Variants in CDK5RAP2 observed in about 807,000 individuals in gnomAD.
CDK5RAP2 encodes the protein CDK5 regulatory subunit associated protein 2.
Under a neutral mutation model 232.9 loss-of-function variants are expected in CDK5RAP2, and 147 were observed. The ratio of observed to expected loss-of-function variants is 0.63; its 90% CI spans 0.55 to 0.72. CDK5RAP2 has a LOEUF of 0.72. Ranked by LOEUF, CDK5RAP2 falls within the 30% of genes least tolerant of loss-of-function variation. The pLI, the probability that CDK5RAP2 is intolerant of heterozygous loss-of-function variation, is 0.00. For missense variants in CDK5RAP2, 2,195 were observed against 2,231.5 expected (o/e 0.98, Z 0.33); for synonymous variants, 833 against 833.7 (o/e 1.00, Z 0.01).
chr9:120,479,479 G>C (rs1226090217), intron 14 of CDK5RAP2, among the ~76,000 whole-genome samples: 1 of 152,162 alleles, frequency 6.6e-6, no homozygotes, highest in Non-Finnish European at 1.5e-5. Flanking sequence ...ACACTATCTT[G>C]ATAAAGTTAT....
At chr9:120,391,099 G>A (rs940382516) in intron 36 of CDK5RAP2, among the ~76,000 whole-genome samples, 7 of 152,084 alleles carry the variant, frequency 4.6e-5, no homozygotes, top group Non-Finnish European at 1.0e-4. Flanking sequence ...TATGTATCTG[G>A]ACGTCCGCAT....
rs545667575 is a variant in CDK5RAP2 at position 120,491,318 on chromosome 9, C to G, written c.1471G>C (p.Val491Leu). 7 of 1,612,690 alleles carry G rather than the reference C, an allele frequency of 4.3e-6. No homozygotes were observed. Among genetic ancestry groups the G allele is most frequent in the Non-Finnish European group, 5.9e-6 (7 of 1,179,084 alleles). ...AAAAGTTACAGTACCTGAAGCAACA[C>G]GTCCTTCTGATTGGTACTTTCTGTT... is the stretch of plus-strand genomic sequence containing the variant. ...HLTESTNQKD[V>L]LLQKFNEKDL... Residue 491 changes from valine (V) to leucine (L), a missense_variant, in exon 13 of 38, where the codon GTG (valine) becomes CTG (leucine). Physicochemically the swap from Val to Leu is conservative, Grantham distance 32 (BLOSUM62 1). Transcript: ENST00000349780.
intron 14 of CDK5RAP2, among the ~76,000 whole-genome samples, chr9:120,481,137 C>T (rs540597164): frequency 2.6e-5 from 4 of 152,322 alleles, no homozygotes; most frequent in East Asian, 3.9e-4. Context: ...AATGTGCTTA[C>T]GTGTTACTAC....
At chr9:120,392,934 G>A (rs1182960948) in intron 36 of CDK5RAP2, among the ~76,000 whole-genome samples, 1 of 152,130 alleles carries the variant, frequency 6.6e-6, no homozygotes, top group African/African-American at 2.4e-5. Flanking sequence ...CATGGACCCC[G>A]CCGGTCCCTG....
chr9:120,403,338 C>A lies in CDK5RAP2; in HGVS notation c.5042-267G>T. 2.1e-6 allele frequency: 1 copy of A among 480,522 alleles called. No homozygotes were observed. Among genetic ancestry groups the A allele is most frequent in the East Asian group, 4.0e-5 (1 of 24,714 alleles). The allele number at this position is 480,522 out of a possible 1,614,324, so 29.8% of individuals were successfully genotyped here. A position where few individuals can be genotyped will look rare whatever the true frequency, so the allele number is the denominator to read the frequency against. ...CACTCGGCAGAAGACCCCAGATTCA[C>A]AAGGATGACTCAAGCTGGTGCCTGC... On this transcript the variant is annotated intron_variant, in intron 33 of 37. Transcript: ENST00000349780. This position sits in a 1 kb window ranked among gnomAD's most constrained non-coding sequence, Gnocchi z 4.2.
intron 7 of CDK5RAP2, among the ~76,000 whole-genome samples, chr9:120,531,034 A>G (rs190386921): frequency 3.9e-4 from 60 of 152,274 alleles, no homozygotes; most frequent in Admixed American, 1.8e-3. Context: ...ATAAAAAAAT[A>G]AAAAACGGTG....
At chr9:120,488,117 C>A (rs926457880) in intron 13 of CDK5RAP2, among the ~76,000 whole-genome samples, 11 of 152,160 alleles carry the variant, frequency 7.2e-5, no homozygotes, top group African/African-American at 1.9e-4. Flanking sequence ...CTATTCCTAA[C>A]TATTTAAAAT....
chr9:120,398,131 ACT>A (rs1223030668), intron 35 of CDK5RAP2, among the ~76,000 whole-genome samples: 1 of 152,208 alleles, frequency 6.6e-6, no homozygotes, highest in African/African-American at 2.4e-5. Flanking sequence ...AAGGGCACTC[ACT>A]GGTGCTAGAA....
rs570866186 is a variant in CDK5RAP2, at chr9:120,493,294, C to T, written c.1312-1817G>A. Among the ~76,000 whole-genome samples, 244 of 152,292 alleles carry T rather than the reference C, an allele frequency of 1.6e-3. 2 individuals carry two copies. The Middle Eastern group carries it at 0.044, about 28-fold the overall frequency. On this transcript the variant is annotated intron_variant, in intron 12 of 37. Transcript: ENST00000349780. ...AGATAATAGATTTGTATTGTTAAGC[C>T]ACCAAGTTTGTGGTAATTTGTTGCA...
chr9:120,511,059 G>A (rs958371798), intron 12 of CDK5RAP2, among the ~76,000 whole-genome samples: 5 of 152,100 alleles, frequency 3.3e-5, no homozygotes, highest in African/African-American at 1.2e-4. Flanking sequence ...ACTGACTCTC[G>A]GGGCTCAACT....
At chr9:120,503,208 C>T (rs918678547) in intron 12 of CDK5RAP2, among the ~76,000 whole-genome samples, 1 of 152,212 alleles carries the variant, frequency 6.6e-6, no homozygotes, top group Admixed American at 6.5e-5. Flanking sequence ...ATTAATTTAT[C>T]ATTTCTTAAG....
chr9:120,438,591 C>T (rs2035719921), intron 24 of CDK5RAP2, among the ~76,000 whole-genome samples: 1 of 152,192 alleles, frequency 6.6e-6, no homozygotes, highest in Non-Finnish European at 1.5e-5. Flanking sequence ...ACTGCAGCTA[C>T]TTTGAGGCTC....
chr9:120,460,703 CA>C (rs1564250503), intron 18 of CDK5RAP2, 36 bp from the exon 19 acceptor site: 1 of 1,612,234 alleles, frequency 6.2e-7, no homozygotes, highest in East Asian at 2.2e-5. Flanking sequence ...AAATGCAACC[CA>C]AAAAAGTGTG....
At chr9:120,518,729 T>C in intron 11 of CDK5RAP2, 84 bp from the exon 12 acceptor site, 3 of 1,067,596 alleles carry the variant, frequency 2.8e-6, no homozygotes, top group Non-Finnish European at 4.3e-6. Flanking sequence ...TTTTTCGCCG[T>C]GGGGGAAAAA....
intron 14 of CDK5RAP2, among the ~76,000 whole-genome samples, chr9:120,487,078 C>T (rs1432145725): frequency 6.6e-6 from 1 of 152,186 alleles, no homozygotes; most frequent in Non-Finnish European, 1.5e-5. Context: ...ACAAGCTATG[C>T]TTTCTCAGTT....
chr9:120,510,128 G>A (rs1190695271), intron 12 of CDK5RAP2, among the ~76,000 whole-genome samples: 1 of 152,170 alleles, frequency 6.6e-6, no homozygotes, highest in Non-Finnish European at 1.5e-5. Flanking sequence ...TCTAAATGCT[G>A]TCACAATCTC....
At chr9:120,413,342 C>T (rs953540176) in intron 28 of CDK5RAP2, among the ~76,000 whole-genome samples, 16 of 152,262 alleles carry the variant, frequency 1.1e-4, no homozygotes, top group African/African-American at 2.2e-4. Context: ...CATGAGAGGC[C>T]GGTTTTTAAC....
At chr9:120,539,384 A>G (rs1230756472) in intron 5 of CDK5RAP2, among the ~76,000 whole-genome samples, 1 of 152,268 alleles carries the variant, frequency 6.6e-6, no homozygotes, top group African/African-American at 2.4e-5. Flanking sequence ...TCAACATTTT[A>G]GCATATAGCC....
intron 15 of CDK5RAP2, among the ~76,000 whole-genome samples, chr9:120,475,142 G>C (rs2037932717): frequency 6.6e-6 from 1 of 152,204 alleles, no homozygotes; most frequent in South Asian, 2.1e-4. Flanking sequence ...AGGTAGGTAA[G>C]TAGGCAGACC....
Sources: allele counts gnomAD v4.1 joint callset (sites outside exome capture counted in the v4.1 genomes callset), GRCh38; gene constraint gnomAD v4.1.1; non-coding constraint Gnocchi (gnomAD v3.1); transcripts MANE v1.5; gene names NCBI Gene and HGNC (gene_info 2026-07-23, HGNC 2026-07-21).